The following CSMD1 variants were observed in gnomAD, a reference collection of about 807,000 sequenced individuals.
CSMD1 encodes the protein CUB and Sushi multiple domains 1.
In CSMD1, 213 loss-of-function variants were observed where a neutral mutation model predicts 417.5. The observed-to-expected ratio is 0.51, with a 90% CI of 0.46 to 0.57. The LOEUF (loss-of-function observed/expected upper bound fraction) is 0.57. CSMD1 is among the 20% of genes least tolerant of loss of function. The pLI, the probability that CSMD1 is intolerant of heterozygous loss-of-function variation, is 0.00. For synonymous variants in CSMD1, 2,862 were observed against 1,736.8 expected (o/e 1.65, Z -16.11); for missense variants, 6,923 against 4,529.7 (o/e 1.53, Z -15.17).
At chr8:4,944,583 C>G (rs969878884) in intron 1 of CSMD1, among the ~76,000 whole-genome samples, 1 of 152,098 alleles carries the variant, frequency 6.6e-6, no homozygotes, top group African/African-American at 2.4e-5. Context: ...AATAAATACA[C>G]AAGAAATAAA....
At chr8:4,806,936 C>T (rs546987427) in intron 1 of CSMD1, among the ~76,000 whole-genome samples, 1 of 152,108 alleles carries the variant, frequency 6.6e-6, no homozygotes, top group East Asian at 1.9e-4. Flanking sequence ...CGCTCTTAAG[C>T]TATTATTTAT....
At chr8:3,804,180 C>T (rs1251290412) in intron 5 of CSMD1, among the ~76,000 whole-genome samples, 1 of 152,106 alleles carries the variant, frequency 6.6e-6, no homozygotes. Flanking sequence ...GATCTGCCCA[C>T]CTCAGCCTCC....
At chr8:4,558,458 G>T (rs927617646) in intron 2 of CSMD1, among the ~76,000 whole-genome samples, 1 of 152,168 alleles carries the variant, frequency 6.6e-6, no homozygotes, top group South Asian at 2.1e-4. Flanking sequence ...AGTGAGGGTT[G>T]CAGTTTGACT....
intron 3 of CSMD1, among the ~76,000 whole-genome samples, chr8:4,343,475 A>G (rs1252622587): frequency 6.6e-6 from 1 of 152,158 alleles, no homozygotes; most frequent in East Asian, 1.9e-4. Context: ...TAGCTTGATC[A>G]TGGTGATGTA....
At chr8:3,926,047 A>ACACC (rs1809652755) in intron 5 of CSMD1, among the ~76,000 whole-genome samples, 1 of 83,200 alleles carries the variant, frequency 1.2e-5, no homozygotes, top group African/African-American at 6.7e-5. Context: ...ACACACAAAC[A>ACACC]CCATATACAC....
intron 26 of CSMD1, among the ~76,000 whole-genome samples, chr8:3,241,421 A>G (rs887040846): frequency 2.2e-4 from 33 of 152,122 alleles, no homozygotes; most frequent in Middle Eastern, 3.2e-3. Flanking sequence ...AGAGTTACCT[A>G]AAGCTCGGCA....
At chr8:4,700,598 T>G (rs920483093) in intron 1 of CSMD1, among the ~76,000 whole-genome samples, 4 of 152,100 alleles carry the variant, frequency 2.6e-5, no homozygotes, top group African/African-American at 9.7e-5. Context: ...AGTGAAATAA[T>G]TGGGTATCAT....
chr8:4,329,543 C>G (rs895285979), intron 3 of CSMD1, among the ~76,000 whole-genome samples: 11 of 152,120 alleles, frequency 7.2e-5, no homozygotes, highest in African/African-American at 2.4e-4. Flanking sequence ...CTTCCTTGGC[C>G]TCCCAAATTG....
chr8:3,478,235 T>A (rs1295440926), intron 11 of CSMD1, among the ~76,000 whole-genome samples: 1 of 152,214 alleles, frequency 6.6e-6, no homozygotes, highest in African/African-American at 2.4e-5. Context: ...CTAAACATTA[T>A]CTGAATTATA....
intron 1 of CSMD1, among the ~76,000 whole-genome samples, chr8:4,701,891 C>T (rs573142593): frequency 3.9e-5 from 6 of 152,298 alleles, no homozygotes; most frequent in African/African-American, 1.4e-4. Context: ...GGATAAAGAA[C>T]ATGTGGCACA....
intron 18 of CSMD1, among the ~76,000 whole-genome samples, chr8:3,376,989 C>A (rs964919095): frequency 6.6e-6 from 1 of 152,062 alleles, no homozygotes; most frequent in Non-Finnish European, 1.5e-5. Context: ...CTAACATCAC[C>A]CAAAATTTGT....
At chr8:4,902,131 T>A (rs977381354) in intron 1 of CSMD1, among the ~76,000 whole-genome samples, 77 of 152,094 alleles carry the variant, frequency 5.1e-4, no homozygotes, top group African/African-American at 1.8e-3. Flanking sequence ...TCAATGAAGT[T>A]TGTTAAAAAG....
At position 4,828,701 on chromosome 8, in the gene CSMD1, G is replaced by A. The variant is rs941964398; in HGVS notation, c.85+165631C>T. On this transcript the variant is annotated intron_variant, in intron 1 of 69. Coordinates refer to ENST00000635120, the MANE Select transcript of CSMD1 (RefSeq NM_033225.6). ...AGCCCAGGTGTGTAAAAGTCAACCT[G>A]GCATGACTTAAAATCCTAACGCTAC... is the stretch of plus-strand genomic sequence containing the variant. Among the ~76,000 whole-genome samples the A allele has an allele frequency of 1.2e-4, 18 of 152,032 alleles. No homozygotes were observed. The East Asian group carries it at 1.5e-3, about 13-fold the overall frequency.
intron 3 of CSMD1, among the ~76,000 whole-genome samples, chr8:4,379,735 A>C (rs1484884552): frequency 1.3e-5 from 2 of 151,860 alleles, no homozygotes; most frequent in African/African-American, 2.4e-5. Flanking sequence ...ACAGTGGCAG[A>C]AAGTATGATA....
At chr8:4,652,506 C>T (rs1803960760) in intron 1 of CSMD1, among the ~76,000 whole-genome samples, 1 of 151,982 alleles carries the variant, frequency 6.6e-6, no homozygotes, top group Non-Finnish European at 1.5e-5. Flanking sequence ...GAGACAGATT[C>T]GCCCCATGTG....
At chr8:3,240,614 C>T (rs985571992) in intron 26 of CSMD1, among the ~76,000 whole-genome samples, 3 of 151,834 alleles carry the variant, frequency 2.0e-5, no homozygotes, top group African/African-American at 7.3e-5. Flanking sequence ...ATCTGCTGAG[C>T]CTGATGGGTG....
chr8:4,642,116 G>A (rs555928279), intron 1 of CSMD1, among the ~76,000 whole-genome samples: 7 of 152,308 alleles, frequency 4.6e-5, no homozygotes, highest in South Asian at 2.1e-4. Flanking sequence ...TCTCTATCCT[G>A]TGAAGGTCCA....
At chr8:4,468,828 C>A (rs952326935) in intron 2 of CSMD1, among the ~76,000 whole-genome samples, 2 of 152,040 alleles carry the variant, frequency 1.3e-5, no homozygotes, top group Non-Finnish European at 2.9e-5. Context: ...GAATTTAGCC[C>A]AAACAGCAAT....
chr8:3,716,503 G>C (rs1162358466), intron 6 of CSMD1, among the ~76,000 whole-genome samples: 16 of 152,166 alleles, frequency 1.1e-4, no homozygotes, highest in Non-Finnish European at 2.9e-5. Context: ...ACTGTAAACT[G>C]TCATGGTGCT....
Sources: gnomAD v4.1 joint callset for allele counts (sites outside exome capture counted in the v4.1 genomes callset) on GRCh38, gnomAD v4.1.1 for gene constraint, MANE v1.5 for transcripts, NCBI Gene and HGNC (gene_info 2026-07-23, HGNC 2026-07-21) for gene names.